Variants in DNAJC5B observed in about 807,000 individuals in gnomAD.
The protein encoded by DNAJC5B is DnaJ heat shock protein family (Hsp40) member C5 beta, also known as dnaJ homolog subfamily C member 5B.
Under a neutral mutation model 24.7 loss-of-function variants are expected in DNAJC5B, and 23 were observed. The ratio of observed to expected loss-of-function variants is 0.93; its 90% confidence interval spans 0.67 to 1.32. DNAJC5B has a LOEUF of 1.32. Ranked by LOEUF, DNAJC5B falls within the 40% of genes most tolerant of loss-of-function variation. DNAJC5B has a pLI of 0.00. For missense variants in DNAJC5B, 238 were observed against 240.8 expected (o/e 0.99, Z 0.08); for synonymous variants, 101 against 90.1 (o/e 1.12, Z -0.68).
intron 4 of DNAJC5B, among the ~76,000 whole-genome samples, chr8:66,077,721 T>A (rs1011522908): frequency 2.6e-5 from 4 of 152,168 alleles, no homozygotes; most frequent in African/African-American, 9.7e-5. Context: ...TGTTTGCTAT[T>A]TTCTTCCACT....
the DNAJC5B span, among the ~76,000 whole-genome samples, chr8:66,015,175 A>T: frequency 6.6e-6 from 1 of 152,228 alleles, no homozygotes; most frequent in Non-Finnish European, 1.5e-5. Flanking sequence ...ATAATGAGAA[A>T]GATCACATTA....
chr8:66,071,701 T>G (rs543254282), intron 3 of DNAJC5B, among the ~76,000 whole-genome samples: 26 of 152,320 alleles, frequency 1.7e-4, no homozygotes, highest in Admixed American at 1.7e-3. Context: ...CATTACTGGG[T>G]ATATACCCAA....
intron 3 of DNAJC5B, among the ~76,000 whole-genome samples, chr8:66,071,947 G>A (rs1807359327): frequency 6.6e-6 from 1 of 150,952 alleles, no homozygotes; most frequent in South Asian, 2.1e-4. Context: ...ACTATCACAA[G>A]GACAGAAAAC....
chr8:66,100,069 G>T lies in DNAJC5B; in HGVS notation c.*38G>T. 6.3e-7 allele frequency: 1 copy of T among 1,578,402 alleles called. No homozygotes were observed. The highest frequency in any genetic ancestry group is 1.1e-5 in the South Asian group (1 of 89,352). On this transcript the variant is annotated 3_prime_UTR_variant, in exon 6 of 6. Transcript: ENST00000276570. Reference sequence around the variant, plus strand: ...AGAGAGTCCACAGTCCCTCCTCTCAGTTCAGTCTTGTCTCCAGATGGTCGT... The same window carrying T: ...AGAGAGTCCACAGTCCCTCCTCTCATTTCAGTCTTGTCTCCAGATGGTCGT...
At chr8:66,059,129 C>G (rs1807027672) in intron 3 of DNAJC5B, among the ~76,000 whole-genome samples, 1 of 152,200 alleles carries the variant, frequency 6.6e-6, no homozygotes, top group African/African-American at 2.4e-5. Flanking sequence ...TGGAATAAAT[C>G]TGCCTTTAGT....
chr8:66,075,376 G>A (rs949329646), intron 3 of DNAJC5B, among the ~76,000 whole-genome samples: 5 of 146,432 alleles, frequency 3.4e-5, no homozygotes, highest in Admixed American at 2.7e-4. Context: ...TTGGAACCAT[G>A]GGGGGGGAAA....
chr8:66,054,532 A>G (rs1806921873), intron 3 of DNAJC5B, among the ~76,000 whole-genome samples: 1 of 152,174 alleles, frequency 6.6e-6, no homozygotes, highest in South Asian at 2.1e-4. Flanking sequence ...ATTTTTATCT[A>G]TTAATGGGAA....
intron 1 of DNAJC5B, among the ~76,000 whole-genome samples, chr8:66,028,047 G>A (rs758792795): frequency 4.1e-4 from 62 of 152,158 alleles, no homozygotes; most frequent in Non-Finnish European, 6.0e-4. Flanking sequence ...AAAAATGTGC[G>A]CACTGTGAAC....
At chr8:66,034,658 A>G (rs1806442896) in intron 1 of DNAJC5B, among the ~76,000 whole-genome samples, 1 of 151,660 alleles carries the variant, frequency 6.6e-6, no homozygotes, top group Non-Finnish European at 1.5e-5. Context: ...GGCGGTGCTG[A>G]AGGGCCCCAG....
upstream of DNAJC5B, among the ~76,000 whole-genome samples, chr8:66,017,774 T>G (rs927321506): frequency 9.2e-5 from 14 of 152,222 alleles, no homozygotes; most frequent in Middle Eastern, 3.2e-3. Context: ...TTCATTAAGA[T>G]TCCCATATTT....
intron 2 of DNAJC5B, among the ~76,000 whole-genome samples, chr8:66,050,566 G>A (rs1471837673): frequency 6.6e-6 from 1 of 152,192 alleles, no homozygotes; most frequent in Non-Finnish European, 1.5e-5. Flanking sequence ...ATTCTAATTG[G>A]TCTGGCTTGG....
At chr8:66,095,200 C>G (rs1041008770) in intron 5 of DNAJC5B, among the ~76,000 whole-genome samples, 1 of 152,012 alleles carries the variant, frequency 6.6e-6, no homozygotes, top group Non-Finnish European at 1.5e-5. Context: ...TTCTGAAGAA[C>G]TTTCTGGGCT....
intron 5 of DNAJC5B, among the ~76,000 whole-genome samples, chr8:66,088,954 A>T (rs759060173): frequency 6.6e-6 from 1 of 152,124 alleles, no homozygotes; most frequent in African/African-American, 2.4e-5. Flanking sequence ...CCAGTTCCAA[A>T]GTCACTTCCA....
At chr8:66,072,741 A>C (rs1807377067) in intron 3 of DNAJC5B, among the ~76,000 whole-genome samples, 1 of 152,222 alleles carries the variant, frequency 6.6e-6, no homozygotes, top group Admixed American at 6.5e-5. Flanking sequence ...AATAGCACTT[A>C]GAGGAAAATT....
chr8:66,090,940 T>G (rs1202467629), intron 5 of DNAJC5B, among the ~76,000 whole-genome samples: 1 of 152,198 alleles, frequency 6.6e-6, no homozygotes, highest in Non-Finnish European at 1.5e-5. Flanking sequence ...TATGAAAATA[T>G]CAAGCAAGCA....
chr8:66,068,590 A>C (rs1418924776), intron 3 of DNAJC5B, among the ~76,000 whole-genome samples: 2 of 149,382 alleles, frequency 1.3e-5, no homozygotes, highest in Non-Finnish European at 3.0e-5. Flanking sequence ...AAAATGGAAA[A>C]AGATAAAAAA....
intron 1 of DNAJC5B, among the ~76,000 whole-genome samples, chr8:66,036,271 T>C (rs16932436): frequency 0.12 from 18,337 of 152,128 alleles, 1,910 homozygotes; most frequent in African/African-American, 0.28. Context: ...CCTGGGTTTT[T>C]GTTGTCATTT....
chr8:66,028,554 TC>T (rs1806295304), intron 1 of DNAJC5B, among the ~76,000 whole-genome samples: 1 of 152,120 alleles, frequency 6.6e-6, no homozygotes, highest in Non-Finnish European at 1.5e-5. Context: ...CCTTTGTGAT[TC>T]CCACCTCAGC....
chr8:66,080,663 G>A, intron 5 of DNAJC5B, 115 bp downstream of exon 5: 1 of 857,316 alleles, frequency 1.2e-6, no homozygotes, highest in Non-Finnish European at 1.7e-6. Context: ...CCAAATGGGT[G>A]GAACTTCACA....
Sources: allele counts gnomAD v4.1 joint callset (sites outside exome capture counted in the v4.1 genomes callset), GRCh38; gene constraint gnomAD v4.1.1; transcripts MANE v1.5; gene names NCBI Gene and HGNC (gene_info 2026-07-23, HGNC 2026-07-21).